The following GTF2B variants were observed in gnomAD, a reference collection of about 807,000 sequenced individuals.
GTF2B encodes transcription initiation factor IIB.
Under a neutral mutation model 34.6 loss-of-function variants are expected in GTF2B, and 20 were observed. The ratio of observed to expected loss-of-function variants is 0.58; its 90% CI spans 0.41 to 0.84. The LOEUF (loss-of-function observed/expected upper bound fraction) is 0.84. GTF2B is among the 40% of genes least tolerant of loss of function. The probability of loss-of-function intolerance (pLI) is 0.00; values close to 1 mark genes in which losing one functional copy is unlikely to be tolerated. For missense variants in GTF2B, 237 were observed against 393.3 expected, an observed-to-expected ratio of 0.60 and a Z score of 3.36; for synonymous variants, 142 against 132.4, an observed-to-expected ratio of 1.07 and a Z score of -0.50.
rs1201706724 is a variant in GTF2B, at chr1:88,852,866, T to G, written c.*347A>C. On this transcript the variant is annotated 3_prime_UTR_variant, in exon 7 of 7. Transcript: ENST00000370500. ...TGGAAATAAAGTCTATCAGCTTTAT[T>G]AGCTGCAATGATTTGCATTATTTGT... 4.8e-6 allele frequency: 1 copy of G among 210,208 alleles called. No homozygotes were observed. Among genetic ancestry groups the G allele is most frequent in the Non-Finnish European group, 9.6e-6 (1 of 104,340 alleles). The allele number at this position is 210,208 out of a possible 1,614,324, so 13.0% of individuals were successfully genotyped here. A position where few individuals can be genotyped will look rare whatever the true frequency, so the allele number is the denominator to read the frequency against.
intron 2 of GTF2B, among the ~76,000 whole-genome samples, chr1:88,870,016 C>G (rs1248819245): frequency 6.6e-6 from 1 of 151,996 alleles, no homozygotes; most frequent in Non-Finnish European, 1.5e-5. Flanking sequence ...CAAGCTCCAC[C>G]TCCCTGGTTC....
chr1:88,859,652 A>C (rs1227510899), intron 5 of GTF2B, among the ~76,000 whole-genome samples: 3 of 152,194 alleles, frequency 2.0e-5, no homozygotes, highest in Non-Finnish European at 4.4e-5. Context: ...CCTGGCCAAC[A>C]TGGCGAAACC....
At chr1:88,854,089 G>A (rs1673248693) in intron 6 of GTF2B, among the ~76,000 whole-genome samples, 1 of 151,974 alleles carries the variant, frequency 6.6e-6, no homozygotes, top group African/African-American at 2.4e-5. Context: ...TCTTTCTGAG[G>A]ATCACAAAAG....
At chr1:88,854,992 C>A (rs1673270955) in intron 6 of GTF2B, among the ~76,000 whole-genome samples, 1 of 152,210 alleles carries the variant, frequency 6.6e-6, no homozygotes, top group African/African-American at 2.4e-5. Context: ...CAACTGCCTG[C>A]TGTGCAGGGA....
chr1:88,860,211 G>C lies in GTF2B; in HGVS notation c.334C>G (p.Arg112Gly). 1 of 1,613,322 alleles carries C rather than the reference G, an allele frequency of 6.2e-7. No individual in the cohort carries two copies. The highest frequency in any genetic ancestry group is 1.1e-5 in the South Asian group (1 of 91,056). The change falls in exon 4 of 7, where the codon CGG becomes GGG. Residue 112 changes from arginine to glycine, a missense_variant. Arg to Gly is a moderately radical substitution (Grantham distance 125). Coordinates refer to ENST00000370500, the MANE Select transcript of GTF2B (RefSeq NM_001514.6). ...TCTTTGAATGCATTCATCATTGCCC[G>C]ATCAGAACTGCTCATTGTTCTCCGA... ...QNRRTMSSSD[R>G]AMMNAFKEIT...
In GTF2B at chr1:88,864,040, C is replaced by T; in HGVS notation, c.199G>A (p.Val67Ile). 3 of 1,613,552 alleles carry T rather than the reference C, an allele frequency of 1.9e-6. No homozygotes were observed. Among genetic ancestry groups the T allele is most frequent in the Non-Finnish European group, 2.5e-6 (3 of 1,179,446 alleles). The change falls in exon 3 of 7, where the codon GTT becomes ATT. Residue 67 changes from valine (V) to isoleucine (I), a missense_variant. Around this residue, in one of 3 missense-constraint regions of GTF2B, gnomAD observed 130 missense variants for 170.9 expected, o/e 0.76. Coordinates refer to ENST00000370500, the MANE Select transcript of GTF2B (RefSeq NM_001514.6). ...AGAAGAGGATTCTGAGAATCTCCAA[C>T]TCGAGATGGATCTTTTGTTGCTTTG... ...NDKATKDPSR[V>I]GDSQNPLLSD...
rs1457752139 is a variant in GTF2B at position 88,853,216 on chromosome 1, T to C, written c.948A>G (p.Leu316=). ...FDTPVDKLPQ[L] ...ATTTGACGTTAGCTGCCTCAATTTATAGCTGTGGTAGTTTGTCCACTGGGG... is the reference window on the plus strand; with the variant it reads ...ATTTGACGTTAGCTGCCTCAATTTACAGCTGTGGTAGTTTGTCCACTGGGG... The change falls in exon 7 of 7, where the codon CTA becomes CTG. Residue 316 remains leucine, a synonymous_variant. Coordinates refer to ENST00000370500, the MANE Select transcript of GTF2B (RefSeq NM_001514.6). The C allele has an allele frequency of 6.2e-7, 1 of 1,613,888 alleles. No homozygotes were observed. Among genetic ancestry groups the C allele is most frequent in the Non-Finnish European group, 8.5e-7 (1 of 1,179,756 alleles).
At position 88,875,316 on chromosome 1, in the gene GTF2B, C is replaced by G. The variant is rs60196671; in HGVS notation, c.125-11202G>C. 5.0e-3 allele frequency among the ~76,000 whole-genome samples: 763 copies of G among 152,254 alleles called. 5 individuals carry two copies. The highest frequency in any genetic ancestry group is 0.018 in the African/African-American group (732 of 41,548). On this transcript the variant is annotated intron_variant, in intron 2 of 6. Transcript: ENST00000370500. ...ATCACAGTTTATTTCCCAGACCAGC[C>G]CATAAAAGCCTACTTTGCCCCTGAT...
At chr1:88,868,567 C>T (rs1190357081) in intron 2 of GTF2B, among the ~76,000 whole-genome samples, 1 of 152,186 alleles carries the variant, frequency 6.6e-6, no homozygotes, top group African/African-American at 2.4e-5. Context: ...ACTGAAACAT[C>T]TTACCATATT....
intron 2 of GTF2B, among the ~76,000 whole-genome samples, chr1:88,876,264 T>C (rs932750042): frequency 1.3e-5 from 2 of 152,176 alleles, no homozygotes; most frequent in African/African-American, 2.4e-5. Context: ...CATACTATAA[T>C]TGGAGCATTA....
intron 3 of GTF2B, among the ~76,000 whole-genome samples, chr1:88,863,496 C>G (rs1300935036): frequency 6.6e-6 from 1 of 152,072 alleles, no homozygotes; most frequent in Non-Finnish European, 1.5e-5. Flanking sequence ...AGGTGCCCGC[C>G]ACCAAGCCTG....
chr1:88,879,674 C>T (rs1479881443), intron 2 of GTF2B, among the ~76,000 whole-genome samples: 1 of 151,626 alleles, frequency 6.6e-6, no homozygotes, highest in Non-Finnish European at 1.5e-5. Context: ...GCAAGTTGGG[C>T]CGTATCTATG....
rs948938980 is a variant in GTF2B, at chr1:88,891,565, G to A, written c.-66C>T. 24 of 1,446,424 alleles carry A rather than the reference G, an allele frequency of 1.7e-5. No individual in the cohort carries two copies. The highest frequency in any genetic ancestry group is 1.7e-4 in the Middle Eastern group (1 of 5,790). The allele number at this position is 1,446,424 out of a possible 1,614,324, so 89.6% of individuals were successfully genotyped here. On this transcript the variant is annotated 5_prime_UTR_variant, in exon 1 of 7. Coordinates refer to ENST00000370500, the MANE Select transcript of GTF2B (RefSeq NM_001514.6). ...CACACCGAAAGCAGGAAGCGAATGT[G>A]GCGAAGAGACGCGCAGAGATGAGTT...
At chr1:88,855,366 T>G (rs1032275973) in intron 6 of GTF2B, among the ~76,000 whole-genome samples, 10 of 149,858 alleles carry the variant, frequency 6.7e-5, no homozygotes, top group East Asian at 1.9e-4. Context: ...TTTGTTTTTT[T>G]TTTTTTTTTT....
chr1:88,866,400 A>AT (rs1306362112), intron 2 of GTF2B, among the ~76,000 whole-genome samples: 1 of 151,796 alleles, frequency 6.6e-6, no homozygotes, highest in Non-Finnish European at 1.5e-5. Flanking sequence ...CTCTGACAAA[A>AT]TTTTTCTTTT....
chr1:88,879,385 C>G (rs545623769), intron 2 of GTF2B, among the ~76,000 whole-genome samples: 1 of 151,896 alleles, frequency 6.6e-6, no homozygotes, highest in South Asian at 2.1e-4. Context: ...TCGATACCAG[C>G]CCAGCCGACA....
chr1:88,860,858 A>G (rs1673417212), intron 3 of GTF2B, among the ~76,000 whole-genome samples: 1 of 152,206 alleles, frequency 6.6e-6, no homozygotes, highest in Non-Finnish European at 1.5e-5. Context: ...AAACATTACC[A>G]GCATTATCAC....
chr1:88,888,352 T>C (rs976692248), intron 1 of GTF2B, among the ~76,000 whole-genome samples: 1 of 152,234 alleles, frequency 6.6e-6, no homozygotes, highest in Non-Finnish European at 1.5e-5. Context: ...AAATAATCCA[T>C]ATTCCCCCCT....
In GTF2B at chr1:88,889,016, C is replaced by T. The variant is rs137999926; in HGVS notation, c.18-1649G>A. ...CTGAGCTGCCCACTTTTAAAATGTG[C>T]TAACTTCATTAAAAAAAGGTAAAAG... On this transcript the variant is annotated intron_variant, in intron 1 of 6. Coordinates refer to ENST00000370500, the MANE Select transcript of GTF2B (RefSeq NM_001514.6). Among the ~76,000 whole-genome samples the T allele has an allele frequency of 4.2e-3, 640 of 152,164 alleles. 6 individuals carry two copies. The highest frequency in any genetic ancestry group is 0.014 in the African/African-American group (599 of 41,516).
Sources: allele counts gnomAD v4.1 joint callset (sites outside exome capture counted in the v4.1 genomes callset), GRCh38; gene constraint gnomAD v4.1.1; regional missense constraint gnomAD v4.1.1; transcripts MANE v1.5; gene names NCBI Gene and HGNC (gene_info 2026-07-23, HGNC 2026-07-21).